Variants in MMS22L observed in about 807,000 individuals in gnomAD.
MMS22L encodes the protein MMS22 like, DNA repair protein, also known as protein MMS22-like.
A neutral mutation model predicts 159.1 loss-of-function variants in MMS22L; 74 were observed. That is an observed-to-expected ratio of 0.47 (90% CI 0.39 to 0.56). MMS22L has a LOEUF of 0.56. MMS22L is among the 20% of genes least tolerant of loss of function. The pLI is 0.00. For missense variants in MMS22L, 1,351 were observed against 1,422.1 expected (o/e 0.95, Z 0.80); for synonymous variants, 517 against 506.9 (o/e 1.02, Z -0.27).
chr6:97,165,233 T>C lies in MMS22L; in HGVS notation c.3221+13A>G. ...ATTTGTACATACCACCTATATTTAATATTTAGATGTACCTTATGACTTGCA... is the reference window on the plus strand; with the variant it reads ...ATTTGTACATACCACCTATATTTAACATTTAGATGTACCTTATGACTTGCA... On this transcript the variant is annotated intron_variant, in intron 21 of 24. Transcript: ENST00000683635. The C allele has an allele frequency of 6.2e-7, 1 of 1,602,280 alleles. No individual in the cohort carries two copies. The highest frequency in any genetic ancestry group is 8.5e-7 in the Non-Finnish European group (1 of 1,170,054).
chr6:97,204,075 C>A (rs1384558501), intron 14 of MMS22L, among the ~76,000 whole-genome samples: 1 of 152,158 alleles, frequency 6.6e-6, no homozygotes, highest in Non-Finnish European at 1.5e-5. Context: ...AACACAGCAG[C>A]ATAGATTAAC....
At chr6:97,210,215 CTAAAA>C (rs1808231194) in intron 14 of MMS22L, among the ~76,000 whole-genome samples, 1 of 151,616 alleles carries the variant, frequency 6.6e-6, no homozygotes, top group African/African-American at 2.4e-5. Context: ...GTTCTTGCTC[CTAAAA>C]TAAATGTAGA....
intron 16 of MMS22L, 115 bp downstream of exon 16, chr6:97,181,789 A>T: frequency 9.6e-7 from 1 of 1,040,740 alleles, no homozygotes; most frequent in South Asian, 2.6e-5. Flanking sequence ...AACCTGACAA[A>T]GTGAGAGTAT....
intron 14 of MMS22L, among the ~76,000 whole-genome samples, chr6:97,222,445 A>G (rs555266789): frequency 2.9e-4 from 44 of 152,224 alleles, no homozygotes; most frequent in Non-Finnish European, 5.6e-4. Context: ...TCTTAGTCTC[A>G]GTATTTAGCA....
chr6:97,168,352 AAT>A, intron 19 of MMS22L, 112 bp from the exon 20 acceptor site: 1 of 861,178 alleles, frequency 1.2e-6, no homozygotes, highest in South Asian at 1.7e-5. Flanking sequence ...TAAAGTAGGG[AAT>A]AGGAAGAGAC....
intron 6 of MMS22L, chr6:97,271,143 T>G (rs1430371343): frequency 6.6e-6 from 1 of 152,118 alleles, no homozygotes; most frequent in Non-Finnish European, 1.5e-5. Context: ...AAGACTGTTA[T>G]AACAAATATA....
chr6:97,242,428 T>G (rs1483802770), intron 11 of MMS22L, among the ~76,000 whole-genome samples: 1 of 152,218 alleles, frequency 6.6e-6, no homozygotes, highest in East Asian at 1.9e-4. Context: ...TGCTCACTTT[T>G]GGGGTCCATT....
chr6:97,167,011 T>A (rs1803024210), intron 20 of MMS22L, among the ~76,000 whole-genome samples: 1 of 152,164 alleles, frequency 6.6e-6, no homozygotes, highest in Non-Finnish European at 1.5e-5. Flanking sequence ...AAAAGATTGT[T>A]ACATAATCAA....
At chr6:97,149,779 A>T (rs1225773795) in intron 24 of MMS22L, 74 bp downstream of exon 24, 1 of 1,384,280 alleles carries the variant, frequency 7.2e-7, no homozygotes, top group East Asian at 2.6e-5. Flanking sequence ...TAAGAAAATA[A>T]ATCATTTCTA....
intron 9 of MMS22L, chr6:97,260,118 G>C (rs1321905851): frequency 1.3e-5 from 2 of 152,162 alleles, no homozygotes; most frequent in Non-Finnish European, 2.9e-5. Flanking sequence ...TGTTTAAAGT[G>C]AAACAGTTTT....
chr6:97,259,702 T>C (rs898738552), intron 9 of MMS22L: 3 of 150,682 alleles, frequency 2.0e-5, no homozygotes, highest in African/African-American at 7.3e-5. Context: ...AAATCTTATA[T>C]ATATATATAT....
At chr6:97,173,921 G>C (rs1454944259) in intron 18 of MMS22L, among the ~76,000 whole-genome samples, 1 of 151,966 alleles carries the variant, frequency 6.6e-6, no homozygotes, top group Non-Finnish European at 1.5e-5. Flanking sequence ...GGTCACAAAA[G>C]AATCAAGAGA....
intron 4 of MMS22L, among the ~76,000 whole-genome samples, chr6:97,276,167 G>C (rs973557259): frequency 3.9e-5 from 6 of 152,172 alleles, no homozygotes; most frequent in Admixed American, 6.5e-5. Flanking sequence ...GGGACTTCTT[G>C]GCACAGCTGA....
At chr6:97,269,537 A>G (rs1186175818) in intron 7 of MMS22L, among the ~76,000 whole-genome samples, 1 of 152,190 alleles carries the variant, frequency 6.6e-6, no homozygotes, top group Non-Finnish European at 1.5e-5. Context: ...GAACCATAAC[A>G]TGCAGCCTTT....
intron 10 of MMS22L, chr6:97,253,326 G>A (rs1363909133): frequency 1.3e-5 from 2 of 152,100 alleles, no homozygotes; most frequent in African/African-American, 4.8e-5. Flanking sequence ...AATCTATCAA[G>A]CCTATTAAAG....
chr6:97,152,451 G>A (rs2128233810), intron 22 of MMS22L, among the ~76,000 whole-genome samples: 1 of 152,002 alleles, frequency 6.6e-6, no homozygotes, highest in East Asian at 1.9e-4. Flanking sequence ...TTGTGTGCTT[G>A]TACACAAAAA....
chr6:97,241,118 G>T (rs927080098), intron 11 of MMS22L, among the ~76,000 whole-genome samples: 1 of 152,166 alleles, frequency 6.6e-6, no homozygotes, highest in Non-Finnish European at 1.5e-5. Flanking sequence ...ACTCAATCCA[G>T]GTTCCTGCAA....
At chr6:97,233,206 A>C (rs1811053337) in intron 12 of MMS22L, among the ~76,000 whole-genome samples, 1 of 152,132 alleles carries the variant, frequency 6.6e-6, no homozygotes, top group Admixed American at 6.5e-5. Context: ...CTAGTCTCCT[A>C]TCTTCGGTCT....
chr6:97,249,062 GT>G (rs1319090049), intron 10 of MMS22L, among the ~76,000 whole-genome samples: 1 of 152,016 alleles, frequency 6.6e-6, no homozygotes, highest in Non-Finnish European at 1.5e-5. Context: ...AGCAACAATA[GT>G]CTCAGGCTGG....
Sources: gnomAD v4.1 joint callset for allele counts (sites outside exome capture counted in the v4.1 genomes callset) on GRCh38, gnomAD v4.1.1 for gene constraint, MANE v1.5 for transcripts, NCBI Gene and HGNC (gene_info 2026-07-23, HGNC 2026-07-21) for gene names.